The following FRMPD4 variants were observed in gnomAD, a reference collection of about 807,000 sequenced individuals.
FRMPD4 encodes the protein FERM and PDZ domain-containing protein 4.
Under a neutral mutation model 94.1 loss-of-function variants are expected in FRMPD4, and 22 were observed. The ratio of observed to expected loss-of-function variants is 0.23; its 90% CI spans 0.17 to 0.33. FRMPD4 has a LOEUF of 0.33. Among genes scored for constraint, FRMPD4 ranks in the 10% least tolerant of loss-of-function variants. FRMPD4 has a pLI of 1.00. For missense variants in FRMPD4, 1,111 were observed against 1,339.9 expected, an observed-to-expected ratio of 0.83 and a Z score of 2.67; for synonymous variants, 631 against 548.6, an observed-to-expected ratio of 1.15 and a Z score of -2.10.
intron 1 of FRMPD4, among the ~76,000 whole-genome samples, chrX:12,473,650 G>T (rs1202253776): frequency 9.1e-6 from 1 of 109,330 alleles, no homozygotes; most frequent in African/African-American, 3.5e-5. Flanking sequence ...ACAAAAAAAG[G>T]CAGGGGTTGC....
chrX:12,157,241 A>G (rs2147610131), intron 1 of FRMPD4, among the ~76,000 whole-genome samples: 1 of 111,994 alleles, frequency 8.9e-6, no homozygotes, highest in Non-Finnish European at 1.9e-5. Flanking sequence ...TGGTTTCAGG[A>G]CCCACATCCC....
At chrX:11,878,457 T>C (rs1375622236) in intron 3 of FRMPD4, among the ~76,000 whole-genome samples, 2 of 112,478 alleles carry the variant, frequency 1.8e-5, no homozygotes, top group East Asian at 5.5e-4. Context: ...AGATGCTGTC[T>C]TCTCAGTGAC....
intron 1 of FRMPD4, among the ~76,000 whole-genome samples, chrX:12,365,349 T>G (rs968981945): frequency 9.0e-6 from 1 of 111,339 alleles, no homozygotes; most frequent in African/African-American, 3.3e-5. Flanking sequence ...AAAACATGGG[T>G]AATTCCTGCT....
chrX:12,266,274 C>A (rs1215395655), intron 1 of FRMPD4, among the ~76,000 whole-genome samples: 3 of 110,698 alleles, frequency 2.7e-5, no homozygotes, highest in Admixed American at 1.9e-4. Context: ...ATTAAACCAC[C>A]CCAATCTCAA....
chrX:12,015,064 C>A lies in FRMPD4; in HGVS notation c.95+137046C>A, dbSNP rs188799732. 6.3e-5 allele frequency among the ~76,000 whole-genome samples: 7 copies of A among 111,466 alleles called. No homozygotes were observed. The Admixed American group carries it at 6.6e-4, about 11-fold the overall frequency. ...TTTGCTGCATTTCTGTAACTGGCAA[C>A]ACTATGCTTGGATTTTGAAAAAAGC... On this transcript the variant is annotated intron_variant, in intron 3 of 18. Transcript: ENST00000640291.
rs1305822717 is a variant in FRMPD4, at chrX:11,990,888, A to G, written c.95+112870A>G. On this transcript the variant is annotated intron_variant, in intron 3 of 18. Transcript: ENST00000640291. ...GCTAATGTAGAAGCTTGACTGTGGA[A>G]GAATCAACTTCCAAGTTCCTTCAGT... 3.6e-5 allele frequency among the ~76,000 whole-genome samples: 4 copies of G among 111,805 alleles called. No homozygotes were observed. In the East Asian group the frequency reaches 1.1e-3, roughly 31 times the overall value.
chrX:12,135,707 C>T (rs1490566152), upstream of FRMPD4, among the ~76,000 whole-genome samples: 1 of 110,364 alleles, frequency 9.1e-6, no homozygotes, highest in Non-Finnish European at 1.9e-5. Flanking sequence ...GGCTGTCTCT[C>T]TAGAAGTAAA....
intron 1 of FRMPD4, among the ~76,000 whole-genome samples, chrX:12,277,120 CA>C (rs765802561): frequency 0.068 from 3,156 of 46,682 alleles, 119 homozygotes; most frequent in African/African-American, 0.19. Context: ...GACTCCGTCT[CA>C]AAAAAAAAAA....
At chrX:11,851,113 T>C (rs2053619399) in intron 1 of FRMPD4, among the ~76,000 whole-genome samples, 1 of 111,861 alleles carries the variant, frequency 8.9e-6, no homozygotes, top group South Asian at 3.7e-4. Flanking sequence ...GGAAAGGTGC[T>C]AGAGGGAGCA....
intron 3 of FRMPD4, among the ~76,000 whole-genome samples, chrX:11,975,345 G>A (rs1213943211): frequency 1.8e-5 from 2 of 112,355 alleles, no homozygotes; most frequent in East Asian, 5.6e-4. Context: ...CTGGGGCTTT[G>A]GAAAATTATC....
intron 1 of FRMPD4, among the ~76,000 whole-genome samples, chrX:12,353,270 G>T (rs2055842877): frequency 8.9e-6 from 1 of 112,163 alleles, no homozygotes; most frequent in Non-Finnish European, 1.9e-5. Flanking sequence ...CCACAGAGCA[G>T]ATTTTAGAAA....
chrX:11,848,710 C>T (rs1483475056), intron 1 of FRMPD4, among the ~76,000 whole-genome samples: 1 of 110,485 alleles, frequency 9.1e-6, no homozygotes, highest in Non-Finnish European at 1.9e-5. Context: ...TGTTAAATCC[C>T]CTCCTAACCT....
chrX:12,311,392 C>T (rs961682677), intron 1 of FRMPD4, among the ~76,000 whole-genome samples: 6 of 112,207 alleles, frequency 5.3e-5, no homozygotes, highest in Admixed American at 3.8e-4. Flanking sequence ...TTATTGTTAT[C>T]GTGTATTTTA....
intron 1 of FRMPD4, among the ~76,000 whole-genome samples, chrX:12,453,152 T>A (rs779586165): frequency 8.9e-6 from 1 of 112,220 alleles, no homozygotes; most frequent in Non-Finnish European, 1.9e-5. Flanking sequence ...AGGTGTTGTG[T>A]TTATCTCATG....
rs3068660 is a variant in FRMPD4, at chrX:12,388,818, GATATATATATATATATAT to G, written c.42-109846_42-109829del. ...ACGGATGAATGGATAAAGAAAATGT[GATATATATATATATATAT>G]ATATATATATATATACACACAATGG... is the stretch of plus-strand genomic sequence containing the variant. On this transcript the variant is annotated intron_variant, in intron 1 of 16. Transcript: ENST00000675598. 3.1e-4 allele frequency among the ~76,000 whole-genome samples: 19 copies of G among 60,737 alleles called. 1 individual carries two copies. The highest frequency in any genetic ancestry group is 2.1e-3 in the South Asian group (2 of 962). The allele number at this position is 60,737 out of a possible 115,157, so 52.7% of individuals were successfully genotyped here.
intron 9 of FRMPD4, among the ~76,000 whole-genome samples, 164 bp from the exon 10 acceptor site, chrX:12,701,710 C>G (rs2060192752): frequency 8.9e-6 from 1 of 112,742 alleles, no homozygotes; most frequent in Non-Finnish European, 1.9e-5. Flanking sequence ...CAATTCAATA[C>G]TGACTCGTTT....
At chrX:11,870,839 G>A (rs2053752197) in intron 2 of FRMPD4, among the ~76,000 whole-genome samples, 1 of 112,485 alleles carries the variant, frequency 8.9e-6, no homozygotes, top group Admixed American at 9.4e-5. Context: ...TGTGAAATAA[G>A]GGAATTGGAC....
chrX:12,363,576 C>T (rs189279585), intron 1 of FRMPD4, among the ~76,000 whole-genome samples: 177 of 112,284 alleles, frequency 1.6e-3, no homozygotes, highest in Non-Finnish European at 2.6e-3. Context: ...CCTAAGCCAC[C>T]ATCAGAGACC....
Position 12,549,777 on chromosome X carries a change from G to T in FRMPD4, c.158+50981G>T, listed in dbSNP as rs192872343. On this transcript the variant is annotated intron_variant, in intron 2 of 16. Transcript: ENST00000675598. Reference sequence around the variant, plus strand: ...CTCTGTGAAAGGAAATTCTTCCAAGGAAGAGAAGTTTGGAAAACTCTGCCT... The same window carrying T: ...CTCTGTGAAAGGAAATTCTTCCAAGTAAGAGAAGTTTGGAAAACTCTGCCT... Among the ~76,000 whole-genome samples the T allele has an allele frequency of 3.6e-5, 4 of 112,441 alleles. No homozygotes were observed. In the East Asian group the frequency reaches 1.1e-3, roughly 31 times the overall value.
Sources: allele counts gnomAD v4.1 joint callset (sites outside exome capture counted in the v4.1 genomes callset), GRCh38; gene constraint gnomAD v4.1.1; transcripts MANE v1.5; gene names NCBI Gene and HGNC (gene_info 2026-07-23, HGNC 2026-07-21).